The following RAB8A variants were observed in gnomAD, a reference collection of about 807,000 sequenced individuals.
The protein encoded by RAB8A is RAB8A, member RAS oncogene family.
RAB8A carries 5 observed loss-of-function variants against 29.2 expected under a neutral mutation model. The ratio of observed to expected loss-of-function variants is 0.17; its 90% CI spans 0.09 to 0.36. The LOEUF is 0.36. RAB8A is among the 10% of genes least tolerant of loss of function. The probability of loss-of-function intolerance (pLI) is 1.00; values close to 1 mark genes in which losing one functional copy is unlikely to be tolerated. For synonymous variants in RAB8A, 108 were observed against 99.9 expected (o/e 1.08, Z -0.49); for missense variants, 171 against 272.2 (o/e 0.63, Z 2.62).
chr19:16,128,643 A>G (rs778036416), intron 6 of RAB8A, among the ~76,000 whole-genome samples: 2 of 151,568 alleles, frequency 1.3e-5, no homozygotes, highest in African/African-American at 2.4e-5. Flanking sequence ...CAAAGGCTAG[A>G]CTCCTTGCCT....
chr19:16,116,698 G>C (rs569850998), intron 1 of RAB8A, among the ~76,000 whole-genome samples: 1 of 152,222 alleles, frequency 6.6e-6, no homozygotes, highest in East Asian at 1.9e-4. Flanking sequence ...AGCTGGGCAT[G>C]GTGGCGCGTG....
In RAB8A at chr19:16,128,091, T is replaced by C. The variant is rs1599399047; in HGVS notation, c.480T>C (p.Asn160=). The change falls in exon 6 of 8, where the codon AAT becomes AAC. Residue 160 remains asparagine (N), a splice_region_variant and synonymous_variant. Coordinates refer to ENST00000300935, the MANE Select transcript of RAB8A (RefSeq NM_005370.5). ...TSAKANINVE[N]AFFTLARDIK... The stretch of plus-strand genomic sequence containing the variant: ...CGAAGGCCAACATCAATGTGGAAAA[T>C]GTGAGTCCCGGGCCCTGCTGGGAGA... The C allele has an allele frequency of 6.2e-6, 10 of 1,613,834 alleles. No individual in the cohort carries two copies. The East Asian group carries it at 1.8e-4, about 29-fold the overall frequency.
At position 16,125,666 on chromosome 19, in the gene RAB8A, C is replaced by A; in HGVS notation, c.324+119C>A. 2.1e-6 allele frequency: 2 copies of A among 955,306 alleles called. No individual in the cohort carries two copies. The highest frequency in any genetic ancestry group is 1.4e-5 in the South Asian group (1 of 71,840). The allele number at this position is 955,306 out of a possible 1,614,324, so 59.2% of individuals were successfully genotyped here. A position where few individuals can be genotyped will look rare whatever the true frequency, so the allele number is the denominator to read the frequency against. On this transcript the variant is annotated intron_variant, in intron 4 of 7. Coordinates refer to ENST00000300935, the MANE Select transcript of RAB8A (RefSeq NM_005370.5). This position sits in a 1 kb window ranked among gnomAD's most constrained non-coding sequence, Gnocchi z 5.0. ...ATACAGGCCACTTGCCCACAGCCTC[C>A]TAGTCAGGGACATGGTGGGAGCAGG...
Position 16,117,891 on chromosome 19 carries a change from A to T in RAB8A, c.125-335A>T, listed in dbSNP as rs7252188. ...GGTCAGCTGCAGGGTGTTGGGGAGC[A>T]AGGGACTCAGGCCTGCAGAGGGCTC... On this transcript the variant is annotated intron_variant, in intron 1 of 7. Coordinates refer to ENST00000300935, the MANE Select transcript of RAB8A (RefSeq NM_005370.5). Among the ~76,000 whole-genome samples, 49 of 152,052 alleles carry T rather than the reference A, an allele frequency of 3.2e-4. 1 individual carries two copies. The East Asian group carries it at 9.5e-3, about 30-fold the overall frequency.
rs369099441 is a variant in RAB8A at position 16,127,451 on chromosome 19, C to T, written c.339C>T (p.Asp113=). 11 of 1,521,050 alleles carry T rather than the reference C, an allele frequency of 7.2e-6. No individual in the cohort carries two copies. The highest frequency in any genetic ancestry group is 5.6e-5 in the African/African-American group (4 of 71,548). The allele number at this position is 1,521,050 out of a possible 1,614,324, so 94.2% of individuals were successfully genotyped here. A position where few individuals can be genotyped will look rare whatever the true frequency, so the allele number is the denominator to read the frequency against. Residue 113 remains aspartate (D), a synonymous_variant, in exon 5 of 8, where the codon GAC becomes GAT. Transcript: ENST00000300935. The surrounding 1 kb of genome is among the most constrained non-coding windows in gnomAD (Gnocchi z 4.8). ...CTCCCTCTCAGCACGCCTCTGCAGACGTCGAAAAGATGATACTCGGGAACA... is the reference window on the plus strand; with the variant it reads ...CTCCCTCTCAGCACGCCTCTGCAGATGTCGAAAAGATGATACTCGGGAACA... The part of the protein sequence containing the change: ...IRNIEEHASA[D]VEKMILGNKC...
At chr19:16,121,910 C>G in intron 3 of RAB8A, 100 bp downstream of exon 3, 1 of 1,174,180 alleles carries the variant, frequency 8.5e-7, no homozygotes, top group South Asian at 1.3e-5. Flanking sequence ...CTGTGGAGCC[C>G]GTGCCCCAAC....
rs1165610369 is a variant in RAB8A at position 16,130,319 on chromosome 19, G to A, written c.531+715G>A. Among the ~76,000 whole-genome samples, 8 of 152,076 alleles carry A rather than the reference G, an allele frequency of 5.3e-5. No homozygotes were observed. In the South Asian group the frequency reaches 8.3e-4, roughly 16 times the overall value. ...CTGGTTCCAGCAACTGCCCTTTCCC[G>A]GCCATGTTACATTGGTTGTCCAATC... is the stretch of plus-strand genomic sequence containing the variant. On this transcript the variant is annotated intron_variant, in intron 7 of 7. Coordinates refer to ENST00000300935, the MANE Select transcript of RAB8A (RefSeq NM_005370.5).
chr19:16,117,895 G>A (rs1005134787), intron 1 of RAB8A, among the ~76,000 whole-genome samples: 5 of 152,174 alleles, frequency 3.3e-5, no homozygotes, highest in Non-Finnish European at 4.4e-5. Flanking sequence ...GGGAGCAAGG[G>A]ACTCAGGCCT....
intron 6 of RAB8A, among the ~76,000 whole-genome samples, 182 bp from the exon 7 acceptor site, chr19:16,129,372 G>A (rs916557912): frequency 6.6e-6 from 1 of 152,152 alleles, no homozygotes; most frequent in African/African-American, 2.4e-5. Context: ...GAGGCAGAGG[G>A]AGCCGGGGAA....
At chr19:16,128,213 CCAGT>C (rs1191306819) in intron 6 of RAB8A, 122 bp downstream of exon 6, 8 of 1,010,138 alleles carry the variant, frequency 7.9e-6, no homozygotes, top group Admixed American at 6.5e-5. Context: ...CTCAGGGCTG[CCAGT>C]CAGTCCTCTG....
In RAB8A at chr19:16,125,417, C is replaced by T; in HGVS notation, c.247-53C>T. ...CTGTTCTCTGGTGCCGCTGAGGCCT[C>T]CCTTCCAGAGCCTGCAGCCGATCAG... On this transcript the variant is annotated intron_variant, in intron 3 of 7. Transcript: ENST00000300935. This position sits in a 1 kb window ranked among gnomAD's most constrained non-coding sequence, Gnocchi z 5.0. 1 of 1,526,938 alleles carries T rather than the reference C, an allele frequency of 6.5e-7. No individual in the cohort carries two copies. Among genetic ancestry groups the T allele is most frequent in the Non-Finnish European group, 9.1e-7 (1 of 1,104,972 alleles). The allele number at this position is 1,526,938 out of a possible 1,614,324, so 94.6% of individuals were successfully genotyped here. A position where few individuals can be genotyped will look rare whatever the true frequency, so the allele number is the denominator to read the frequency against.
rs2241399 is a variant in RAB8A, at chr19:16,125,194, T to G, written c.247-276T>G. ...GGAGCCAGCCGGGCTTGTCAGCGAGTGCGTGGCAGGGGCTGGCCTGTGAGG... is the reference window on the plus strand; with the variant it reads ...GGAGCCAGCCGGGCTTGTCAGCGAGGGCGTGGCAGGGGCTGGCCTGTGAGG... On this transcript the variant is annotated intron_variant, in intron 3 of 7. Transcript: ENST00000300935. This position sits in a 1 kb window ranked among gnomAD's most constrained non-coding sequence, Gnocchi z 5.0. 84,623 of 524,048 alleles carry G rather than the reference T, an allele frequency of 0.16. 7,788 individuals carry two copies. Among genetic ancestry groups the G allele is most frequent in the East Asian group, 0.31 (9,566 of 31,160 alleles). 32.5% of individuals were successfully genotyped at this position (524,048 alleles called of 1,614,324 possible). A position where few individuals can be genotyped will look rare whatever the true frequency, so the allele number is the denominator to read the frequency against.
intron 7 of RAB8A, among the ~76,000 whole-genome samples, chr19:16,130,501 A>G (rs544893093): frequency 6.6e-6 from 1 of 152,350 alleles, no homozygotes; most frequent in South Asian, 2.1e-4. Flanking sequence ...TGATTGATTT[A>G]ATAGCAGCTC....
At chr19:16,130,122 C>A (rs1487784790) in intron 7 of RAB8A, among the ~76,000 whole-genome samples, 2 of 151,892 alleles carry the variant, frequency 1.3e-5, no homozygotes, top group Non-Finnish European at 2.9e-5. Context: ...TGCATGAATC[C>A]CTACCCATCT....
rs186446785 is a variant in RAB8A at position 16,127,158 on chromosome 19, G to T, written c.325-279G>T. ...ACCCGCCCAGCATCCCAGGTGCGGG[G>T]GCTTGATTGATACAGCCATAGAAGC... On this transcript the variant is annotated intron_variant, in intron 4 of 7. Coordinates refer to ENST00000300935, the MANE Select transcript of RAB8A (RefSeq NM_005370.5). This position sits in a 1 kb window ranked among gnomAD's most constrained non-coding sequence, Gnocchi z 4.8. Among the ~76,000 whole-genome samples, 1 of 152,182 alleles carries T rather than the reference G, an allele frequency of 6.6e-6. No individual in the cohort carries two copies. Among genetic ancestry groups the T allele is most frequent in the African/African-American group, 2.4e-5 (1 of 41,448 alleles).
At chr19:16,120,888 G>C (rs889953313) in intron 2 of RAB8A, among the ~76,000 whole-genome samples, 1 of 151,388 alleles carries the variant, frequency 6.6e-6, no homozygotes, top group African/African-American at 2.4e-5. Flanking sequence ...TGGGATTACA[G>C]ATGTAAGCCA....
chr19:16,120,625 T>C (rs1324749140), intron 2 of RAB8A, among the ~76,000 whole-genome samples: 3 of 149,318 alleles, frequency 2.0e-5, no homozygotes, highest in South Asian at 2.1e-4. Flanking sequence ...TTTTTTTTTT[T>C]CCTGAGACAG....
chr19:16,125,601 CCT>C lies in RAB8A; in HGVS notation c.324+57_324+58del. On this transcript the variant is annotated intron_variant, in intron 4 of 7. Transcript: ENST00000300935. The surrounding 1 kb of genome is among the most constrained non-coding windows in gnomAD (Gnocchi z 5.0). ...CCTGCTTCAGTCCTTGTCCCAGAGCCCTCTGGTTTACTCATGAGAAGGCCAAG... is the reference window on the plus strand; with the variant it reads ...CCTGCTTCAGTCCTTGTCCCAGAGCCCTGGTTTACTCATGAGAAGGCCAAG... The C allele has an allele frequency of 6.5e-7, 1 of 1,530,036 alleles. No individual in the cohort carries two copies. 94.8% of individuals were successfully genotyped at this position (1,530,036 alleles called of 1,614,324 possible).
intron 1 of RAB8A, among the ~76,000 whole-genome samples, chr19:16,113,173 C>T (rs2090831579): frequency 6.6e-6 from 1 of 152,184 alleles, no homozygotes; most frequent in Admixed American, 6.5e-5. Flanking sequence ...AGGTTTGACC[C>T]AGGAGTAACA....
Sources: allele counts gnomAD v4.1 joint callset (sites outside exome capture counted in the v4.1 genomes callset), GRCh38; gene constraint gnomAD v4.1.1; non-coding constraint Gnocchi (gnomAD v3.1); transcripts MANE v1.5; gene names NCBI Gene and HGNC (gene_info 2026-07-23, HGNC 2026-07-21).